Variants in PPP6R3 observed in about 807,000 individuals in gnomAD.
PPP6R3 encodes the protein serine/threonine-protein phosphatase 6 regulatory subunit 3.
A neutral mutation model predicts 110.7 loss-of-function variants in PPP6R3; 38 were observed. That is an observed-to-expected ratio of 0.34 (90% CI 0.26 to 0.45). PPP6R3 has a LOEUF of 0.45. PPP6R3 is among the 20% of genes least tolerant of loss of function. PPP6R3 has a pLI of 1.00. For missense variants in PPP6R3, 870 were observed against 1,062.4 expected, an observed-to-expected ratio of 0.82 and a Z score of 2.52; for synonymous variants, 369 against 373.5, an observed-to-expected ratio of 0.99 and a Z score of 0.14.
At chr11:68,472,086 G>A (rs2098796083) in intron 1 of PPP6R3, among the ~76,000 whole-genome samples, 1 of 152,156 alleles carries the variant, frequency 6.6e-6, no homozygotes, top group Non-Finnish European at 1.5e-5. Context: ...GAGTTGCAGT[G>A]AAGACAGCAC....
chr11:68,590,847 C>A, intron 17 of PPP6R3, 133 bp downstream of exon 17: 2 of 1,085,068 alleles, frequency 1.8e-6, no homozygotes, highest in South Asian at 3.1e-5. Context: ...ACATACTTCA[C>A]TCTGTCCCAC....
chr11:68,476,289 C>T (rs1035561804), intron 1 of PPP6R3, among the ~76,000 whole-genome samples: 9 of 152,222 alleles, frequency 5.9e-5, no homozygotes, highest in East Asian at 3.9e-4. Flanking sequence ...AGCGAAACCC[C>T]GTCTCCACCA....
chr11:68,463,905 G>A (rs1296711973), intron 1 of PPP6R3, among the ~76,000 whole-genome samples: 1 of 152,092 alleles, frequency 6.6e-6, no homozygotes, highest in Admixed American at 6.6e-5. Context: ...CTTCTGGAGG[G>A]TAGAGGCCAA....
intron 22 of PPP6R3, among the ~76,000 whole-genome samples, chr11:68,607,822 G>A (rs775575842): frequency 1.6e-4 from 25 of 151,756 alleles, no homozygotes; most frequent in Admixed American, 2.6e-4. Context: ...TGCCCAGGCT[G>A]GAATGCAGTG....
intron 2 of PPP6R3, among the ~76,000 whole-genome samples, chr11:68,528,437 G>GA (rs1027928310): frequency 3.6e-5 from 5 of 140,092 alleles, no homozygotes; most frequent in African/African-American, 5.4e-5. Flanking sequence ...TGTGTGTGGG[G>GA]GGGGGGGCTG....
chr11:68,575,507 A>G (rs939211909), intron 13 of PPP6R3, among the ~76,000 whole-genome samples: 5 of 152,208 alleles, frequency 3.3e-5, no homozygotes, highest in Non-Finnish European at 7.3e-5. Flanking sequence ...ATTTCAAGAA[A>G]GTGTGCAGGA....
At chr11:68,519,329 C>T (rs1197105989) in intron 1 of PPP6R3, among the ~76,000 whole-genome samples, 172 bp from the exon 2 acceptor site, 1 of 152,090 alleles carries the variant, frequency 6.6e-6, no homozygotes, top group Non-Finnish European at 1.5e-5. Flanking sequence ...GATGACAGTG[C>T]TTTTTTTCTT....
intron 14 of PPP6R3, among the ~76,000 whole-genome samples, chr11:68,579,838 G>C (rs1013784940): frequency 2.0e-5 from 3 of 152,204 alleles, no homozygotes; most frequent in African/African-American, 7.2e-5. Context: ...GTACTGTGCT[G>C]TGCAGGTGTG....
chr11:68,576,691 C>T (rs1195358216), intron 14 of PPP6R3, among the ~76,000 whole-genome samples: 1 of 152,150 alleles, frequency 6.6e-6, no homozygotes. Context: ...TTTCCTTTTA[C>T]AAGTACATGC....
At chr11:68,550,952 A>C in intron 5 of PPP6R3, 169 bp from the exon 6 acceptor site, 2 of 558,258 alleles carry the variant, frequency 3.6e-6, no homozygotes. Context: ...CAATATATTC[A>C]CTGGCATTTT....
At chr11:68,601,022 T>C (rs2099630139) in intron 20 of PPP6R3, among the ~76,000 whole-genome samples, 1 of 152,226 alleles carries the variant, frequency 6.6e-6, no homozygotes, top group Non-Finnish European at 1.5e-5. Flanking sequence ...CAAGCTGTTT[T>C]GGGCTGACAG....
chr11:68,591,198 A>G (rs1176847629), intron 17 of PPP6R3, among the ~76,000 whole-genome samples: 1 of 152,194 alleles, frequency 6.6e-6, no homozygotes, highest in Non-Finnish European at 1.5e-5. Flanking sequence ...GATTTGAGCC[A>G]TTGAAGGTTA....
chr11:68,597,693 C>T (rs1174642822), intron 19 of PPP6R3, among the ~76,000 whole-genome samples: 2 of 151,320 alleles, frequency 1.3e-5, no homozygotes, highest in Admixed American at 6.6e-5. Flanking sequence ...ATGTACAGTT[C>T]AAGGTTGGGT....
chr11:68,506,413 TCAAA>T (rs2099077040), intron 1 of PPP6R3, among the ~76,000 whole-genome samples: 1 of 17,240 alleles, frequency 5.8e-5, no homozygotes, highest in African/African-American at 2.2e-4. Context: ...CCCTTTATAC[TCAAA>T]AAAAAAAAAA....
At chr11:68,525,253 C>G (rs1041858776) in intron 2 of PPP6R3, among the ~76,000 whole-genome samples, 1 of 152,206 alleles carries the variant, frequency 6.6e-6, no homozygotes, top group Non-Finnish European at 1.5e-5. Context: ...AGCCCAGAGT[C>G]TGGCAGTATG....
intron 3 of PPP6R3, among the ~76,000 whole-genome samples, chr11:68,540,499 T>C (rs1202749825): frequency 3.3e-5 from 5 of 151,980 alleles, no homozygotes; most frequent in African/African-American, 9.7e-5. Context: ...CGGGGCAAAA[T>C]TAAAATTGCT....
chr11:68,464,501 A>G (rs946720796), intron 1 of PPP6R3, among the ~76,000 whole-genome samples: 5 of 152,140 alleles, frequency 3.3e-5, no homozygotes, highest in Admixed American at 2.6e-4. Flanking sequence ...ACTGTTTTAC[A>G]CCACAGGTTT....
intron 1 of PPP6R3, among the ~76,000 whole-genome samples, chr11:68,469,367 G>T (rs963260588): frequency 6.6e-6 from 1 of 151,804 alleles, no homozygotes; most frequent in Non-Finnish European, 1.5e-5. Flanking sequence ...GTGCAGTGGT[G>T]TAATCCCAGG....
chr11:68,603,376 C>G lies in PPP6R3; in HGVS notation c.2334C>G (p.Asp778Glu). Residue 778 changes from aspartate to glutamate, a missense_variant, in exon 22 of 24, where the codon GAC (aspartate) becomes GAG (glutamate). Physicochemically the swap from Asp to Glu is conservative, Grantham distance 45. Transcript: ENST00000393800. ...GTGTGGCCATGGAAGCCAGCTCTGACGGAGAGGAGGATGCAGAAAGTACAG... is the reference window on the plus strand; with the variant it reads ...GTGTGGCCATGGAAGCCAGCTCTGAGGGAGAGGAGGATGCAGAAAGTACAG... ...AGSVAMEASS[D>E]GEEDAESTDK... 6.2e-7 allele frequency: 1 copy of G among 1,613,868 alleles called. No homozygotes were observed. The highest frequency in any genetic ancestry group is 8.5e-7 in the Non-Finnish European group (1 of 1,179,982).
Sources: allele counts gnomAD v4.1 joint callset (sites outside exome capture counted in the v4.1 genomes callset), GRCh38; gene constraint gnomAD v4.1.1; transcripts MANE v1.5; gene names NCBI Gene and HGNC (gene_info 2026-07-23, HGNC 2026-07-21).